WFDC3: variants seen among roughly 807,000 people sequenced by gnomAD.
The protein encoded by WFDC3 is WAP four-disulfide core domain protein 3.
Under a neutral mutation model 25.8 loss-of-function variants are expected in WFDC3, and 15 were observed. That is an observed-to-expected ratio of 0.58 (90% CI 0.39 to 0.89). The LOEUF (loss-of-function observed/expected upper bound fraction) is 0.89. Among genes scored for constraint, WFDC3 ranks in the 40% least tolerant of loss-of-function variants. The pLI is 0.00. For synonymous variants in WFDC3, 103 were observed against 107.1 expected (o/e 0.96, Z 0.24); for missense variants, 264 against 289.8 (o/e 0.91, Z 0.65).
intron 4 of WFDC3, among the ~76,000 whole-genome samples, chr20:45,786,873 T>C (rs929580662): frequency 3.9e-5 from 6 of 151,904 alleles, no homozygotes; most frequent in Admixed American, 2.0e-4. Flanking sequence ...GGTGGGTGGA[T>C]CACGAGGTCA....
At chr20:45,789,296 G>A (rs1980834240) in intron 2 of WFDC3, among the ~76,000 whole-genome samples, 1 of 151,908 alleles carries the variant, frequency 6.6e-6, no homozygotes, top group Non-Finnish European at 1.5e-5. Flanking sequence ...CATGAGGTCA[G>A]GAGATCGAGA....
intron 4 of WFDC3, among the ~76,000 whole-genome samples, chr20:45,781,632 A>G (rs1980448798): frequency 6.6e-6 from 1 of 152,228 alleles, no homozygotes; most frequent in South Asian, 2.1e-4. Flanking sequence ...GAATTATGAC[A>G]TGTGTGAAGT....
chr20:45,788,047 T>C (rs967996631), intron 3 of WFDC3, 65 bp from the exon 4 acceptor site: 111 of 1,539,898 alleles, frequency 7.2e-5, no homozygotes, highest in Middle Eastern at 1.7e-4. Context: ...CTCACACCTG[T>C]AATCCCAGCA....
At chr20:45,785,849 C>T (rs571628675) in intron 4 of WFDC3, among the ~76,000 whole-genome samples, 72 of 152,284 alleles carry the variant, frequency 4.7e-4, no homozygotes, top group African/African-American at 1.5e-3. Context: ...TCTCCATCCC[C>T]GCTGCTACCT....
intron 1 of WFDC3, chr20:45,790,972 G>C (rs1220386805): frequency 8.5e-6 from 4 of 468,020 alleles, no homozygotes; most frequent in Non-Finnish European, 1.8e-5. Context: ...TTCTTTATCT[G>C]TCCTGGTCAT....
intron 2 of WFDC3, among the ~76,000 whole-genome samples, 193 bp downstream of exon 2, chr20:45,789,701 T>C (rs1285572545): frequency 6.6e-6 from 1 of 152,096 alleles, no homozygotes; most frequent in Non-Finnish European, 1.5e-5. Context: ...TATCTCCTTG[T>C]CCAGAGAGGG....
Position 45,789,992 on chromosome 20 carries a change from G to C in WFDC3, c.-7-10C>G, listed in dbSNP as rs747001320. The C allele has an allele frequency of 6.2e-7, 1 of 1,611,726 alleles. No individual in the cohort carries two copies. Among genetic ancestry groups the C allele is most frequent in the Non-Finnish European group, 8.5e-7 (1 of 1,177,958 alleles). On this transcript the variant is annotated splice_polypyrimidine_tract_variant and intron_variant, in intron 1 of 6. Transcript: ENST00000243938. ...TAACATCATGATGATGCTGAGAGTT[G>C]GGACAAGAGCTCAGTTCAGGCTAGA...
intron 4 of WFDC3, among the ~76,000 whole-genome samples, chr20:45,779,576 C>T (rs1980346640): frequency 6.6e-6 from 1 of 152,070 alleles, no homozygotes; most frequent in Non-Finnish European, 1.5e-5. Context: ...CCTGCACCTC[C>T]CCACCTGCTT....
At chr20:45,778,490 A>G (rs1467426004) in intron 4 of WFDC3, among the ~76,000 whole-genome samples, 1 of 152,210 alleles carries the variant, frequency 6.6e-6, no homozygotes, top group African/African-American at 2.4e-5. Flanking sequence ...TTGTTTCCCC[A>G]TACTCTCTTG....
chr20:45,787,828 T>C lies in WFDC3; in HGVS notation c.358+8A>G. 1 of 1,610,314 alleles carries C rather than the reference T, an allele frequency of 6.2e-7. No individual in the cohort carries two copies. Among genetic ancestry groups the C allele is most frequent in the Non-Finnish European group, 8.5e-7 (1 of 1,178,246 alleles). Reference sequence around the variant, plus strand: ...CAGACCATGAGGTGTGGGGACAGCGTTTCTTACCCAGCTTCTGTTTAGAGA... The same window carrying C: ...CAGACCATGAGGTGTGGGGACAGCGCTTCTTACCCAGCTTCTGTTTAGAGA... On this transcript the variant is annotated splice_region_variant and intron_variant, in intron 4 of 6. Coordinates refer to ENST00000243938, the MANE Select transcript of WFDC3 (RefSeq NM_080614.2).
intron 4 of WFDC3, chr20:45,779,827 C>G (rs1293867929): frequency 1.3e-5 from 2 of 152,164 alleles, no homozygotes; most frequent in African/African-American, 2.4e-5. Flanking sequence ...TCCTCAAGAC[C>G]AGGCATGGAG....
intron 4 of WFDC3, among the ~76,000 whole-genome samples, chr20:45,780,613 G>C (rs6065889): frequency 6.6e-6 from 1 of 151,970 alleles, no homozygotes; most frequent in Non-Finnish European, 1.5e-5. Flanking sequence ...TGGGGATGAC[G>C]GTTCCCCACC....
At chr20:45,790,045 T>G (rs1278920871) in intron 1 of WFDC3, 63 bp from the exon 2 acceptor site, 13 of 1,372,022 alleles carry the variant, frequency 9.5e-6, no homozygotes, top group Non-Finnish European at 1.3e-5. Context: ...GAGTATCAGC[T>G]GAGGTATGAG....
In WFDC3 at chr20:45,774,269, G is replaced by T; in HGVS notation, c.*159C>A. 1 of 957,412 alleles carries T rather than the reference G, an allele frequency of 1.0e-6. No individual in the cohort carries two copies. Among genetic ancestry groups the T allele is most frequent in the Non-Finnish European group, 1.7e-6 (1 of 605,874 alleles). The allele number at this position is 957,412 out of a possible 1,614,324, so 59.3% of individuals were successfully genotyped here. ...ACCACACACCCACTACCCAATCCAG[G>T]GCTATTTCCCATGCTCTGGTCAGCG... On this transcript the variant is annotated 3_prime_UTR_variant, in exon 7 of 7. Transcript: ENST00000243938.
Position 45,789,974 on chromosome 20 carries a change from ATGAT to A in WFDC3, c.-3_1del. On this transcript the variant is annotated start_lost and 5_prime_UTR_variant, in exon 2 of 7. Transcript: ENST00000243938. ...CAGAAGAAAGAGGCAGCTTAACATC[ATGAT>A]GATGCTGAGAGTTGGGACAAGAGCT... is the stretch of plus-strand genomic sequence containing the variant. 1 of 1,614,068 alleles carries A rather than the reference ATGAT, an allele frequency of 6.2e-7. No homozygotes were observed. Among genetic ancestry groups the A allele is most frequent in the Admixed American group, 1.7e-5 (1 of 60,018 alleles).
Position 45,787,882 on chromosome 20 carries a change from A to AC in WFDC3, c.311_312insG (p.Gly105TrpfsTer12). ...GGACTACACAGCTCTTGTTGCAGCC[A>AC]AGCGTGCAGCATTTCTTTACACCTG... On this transcript the variant is annotated frameshift_variant, in exon 4 of 7. Coordinates refer to ENST00000243938, the MANE Select transcript of WFDC3 (RefSeq NM_080614.2). LOFTEE classifies it high-confidence loss of function. 1 of 1,614,086 alleles carries AC rather than the reference A, an allele frequency of 6.2e-7. No individual in the cohort carries two copies. The highest frequency in any genetic ancestry group is 1.1e-5 in the South Asian group (1 of 91,064).
intron 5 of WFDC3, 92 bp downstream of exon 5, chr20:45,776,983 A>C: frequency 6.3e-7 from 1 of 1,597,794 alleles, no homozygotes; most frequent in Non-Finnish European, 8.5e-7. Flanking sequence ...AGGGACAGGA[A>C]GGATGAGAAT....
In WFDC3 at chr20:45,775,500, C is replaced by T; in HGVS notation, c.596G>A (p.Cys199Tyr). The T allele has an allele frequency of 3.1e-6, 5 of 1,614,238 alleles. No homozygotes were observed. The highest frequency in any genetic ancestry group is 2.2e-5 in the East Asian group (1 of 44,892). ...GACTGGTGGGACACAGAAGCGGCCA[C>T]AGCCTGACTTGCAACATTTTTCTCC... is the stretch of plus-strand genomic sequence containing the variant. ...QAGEKCCKSG[C>Y]GRFCVPPVLP... The change falls in exon 6 of 7, where the codon TGT becomes TAT. Residue 199 changes from cysteine to tyrosine, a missense_variant. By Grantham distance (194) the Cys-to-Tyr change is radical. Transcript: ENST00000243938.
intron 4 of WFDC3, among the ~76,000 whole-genome samples, chr20:45,777,576 T>G (rs1980250027): frequency 6.6e-6 from 1 of 152,154 alleles, no homozygotes; most frequent in Admixed American, 6.5e-5. Context: ...TAAAGTACAG[T>G]GGCACAATCA....
Sources: allele counts gnomAD v4.1 joint callset (sites outside exome capture counted in the v4.1 genomes callset), GRCh38; gene constraint gnomAD v4.1.1; transcripts MANE v1.5; gene names NCBI Gene and HGNC (gene_info 2026-07-23, HGNC 2026-07-21).